The following NAA16 variants were observed in gnomAD, a reference collection of about 807,000 sequenced individuals.
NAA16 encodes the protein NARG1-like protein.
Under a neutral mutation model 110.3 loss-of-function variants are expected in NAA16, and 97 were observed. The ratio of observed to expected loss-of-function variants is 0.88; its 90% CI spans 0.75 to 1.04. The LOEUF is 1.04. NAA16 is among the 50% of genes least tolerant of loss of function. The pLI is 0.00. For synonymous variants in NAA16, 372 were observed against 330.6 expected (o/e 1.13, Z -1.36); for missense variants, 1,017 against 1,005.1 (o/e 1.01, Z -0.16).
At position 41,311,523 on chromosome 13, in the gene NAA16, G is replaced by A; in HGVS notation, c.-6G>A. On this transcript the variant is annotated 5_prime_UTR_variant, in exon 1 of 20. Coordinates refer to ENST00000379406, the MANE Select transcript of NAA16 (RefSeq NM_024561.5). Reference sequence around the variant, plus strand: ...TGCCGGCCACCTAGCCTCCCTGCCGGCCACGATGCCGAACGTGCTGCTGCC... The same window carrying A: ...TGCCGGCCACCTAGCCTCCCTGCCGACCACGATGCCGAACGTGCTGCTGCC... 2 of 1,601,200 alleles carry A rather than the reference G, an allele frequency of 1.2e-6. No homozygotes were observed. Among genetic ancestry groups the A allele is most frequent in the Non-Finnish European group, 1.7e-6 (2 of 1,174,494 alleles).
intron 16 of NAA16, 175 bp from the exon 17 acceptor site, chr13:41,372,557 G>A: frequency 1.0e-6 from 1 of 985,332 alleles, no homozygotes; most frequent in Non-Finnish European, 1.2e-6. Flanking sequence ...GATTTTTCAA[G>A]CTTTTCTTTA....
intron 1 of NAA16, among the ~76,000 whole-genome samples, chr13:41,313,887 T>A (rs959676964): frequency 2.7e-5 from 4 of 147,462 alleles, no homozygotes; most frequent in African/African-American, 1.0e-4. Flanking sequence ...TTTGCGAGAG[T>A]GTATCGCTTT....
In NAA16 at chr13:41,358,978, C is replaced by A; in HGVS notation, c.1410+16C>A. 1 of 1,577,872 alleles carries A rather than the reference C, an allele frequency of 6.3e-7. No homozygotes were observed. Among genetic ancestry groups the A allele is most frequent in the Non-Finnish European group, 8.7e-7 (1 of 1,155,096 alleles). On this transcript the variant is annotated intron_variant, in intron 12 of 19. Transcript: ENST00000379406. ...GTTCACAAGGGTAGGAAATAGCATG[C>A]ATGAGCATGTAATTGTCTAAATTAA...
At chr13:41,320,195 A>T (rs1408075723) in intron 3 of NAA16, among the ~76,000 whole-genome samples, 5 of 152,172 alleles carry the variant, frequency 3.3e-5, no homozygotes, top group Non-Finnish European at 5.9e-5. Context: ...AGTAGGTGAT[A>T]GTTACACATT....
At chr13:41,342,095 G>C (rs1007289615) in intron 9 of NAA16, among the ~76,000 whole-genome samples, 1 of 150,348 alleles carries the variant, frequency 6.7e-6, no homozygotes, top group Non-Finnish European at 1.5e-5. Flanking sequence ...GCCTCCCAAA[G>C]TGCAGGGATT....
chr13:41,376,791 C>G lies in NAA16; in HGVS notation c.*1189C>G, dbSNP rs561736047. On this transcript the variant is annotated 3_prime_UTR_variant, in exon 20 of 20. Coordinates refer to ENST00000379406, the MANE Select transcript of NAA16 (RefSeq NM_024561.5). ...GGGGGCGGGTGGATAGCTTTTTGTT[C>G]TATCTTGTACAGAAAACAGTAATGG... 2.0e-5 allele frequency: 3 copies of G among 152,184 alleles called. No homozygotes were observed. Among genetic ancestry groups the G allele is most frequent in the South Asian group, 2.1e-4 (1 of 4,824 alleles). 9.4% of individuals were successfully genotyped at this position (152,184 alleles called of 1,614,324 possible). A position where few individuals can be genotyped will look rare whatever the true frequency, so the allele number is the denominator to read the frequency against.
chr13:41,357,282 C>T (rs1056565172), intron 10 of NAA16, among the ~76,000 whole-genome samples: 1 of 152,218 alleles, frequency 6.6e-6, no homozygotes, highest in African/African-American at 2.4e-5. Flanking sequence ...GATCATGCCA[C>T]TGCACTCCAG....
At chr13:41,335,333 C>G (rs989559660) in intron 8 of NAA16, among the ~76,000 whole-genome samples, 3 of 152,078 alleles carry the variant, frequency 2.0e-5, no homozygotes, top group African/African-American at 4.8e-5. Flanking sequence ...ATGGTATTGC[C>G]TTCATTTTAC....
chr13:41,375,313 C>A, intron 19 of NAA16, 92 bp from the exon 20 acceptor site: 1 of 862,888 alleles, frequency 1.2e-6, no homozygotes, highest in South Asian at 1.8e-5. Flanking sequence ...GCAGCTTTCT[C>A]AATTTAACAC....
At chr13:41,323,642 G>A (rs1252758679) in intron 5 of NAA16, among the ~76,000 whole-genome samples, 2 of 150,640 alleles carry the variant, frequency 1.3e-5, no homozygotes, top group African/African-American at 2.4e-5. Flanking sequence ...GTGAGCCACC[G>A]CGCCCGGCCA....
At position 41,368,189 on chromosome 13, in the gene NAA16, TAAG is replaced by T. The variant is rs200952042; in HGVS notation, c.1753+540_1753+542del. On this transcript the variant is annotated intron_variant, in intron 14 of 19. Transcript: ENST00000379406. ...TTTCTAGTTCCTACTTTATTAAAAA[TAAG>T]AATATCAGTGAGAATATCTGTACAG... Among the ~76,000 whole-genome samples, 684 of 152,266 alleles carry T rather than the reference TAAG, an allele frequency of 4.5e-3. 6 individuals are homozygous for T. Among genetic ancestry groups the T allele is most frequent in the South Asian group, 0.033 (157 of 4,826 alleles).
intron 9 of NAA16, among the ~76,000 whole-genome samples, chr13:41,352,451 T>C (rs1210074416): frequency 1.3e-5 from 2 of 151,964 alleles, no homozygotes; most frequent in Non-Finnish European, 2.9e-5. Context: ...GGTCAGGAGT[T>C]GGAGACCAGC....
chr13:41,352,113 G>A (rs573796577), intron 9 of NAA16, among the ~76,000 whole-genome samples: 1 of 152,180 alleles, frequency 6.6e-6, no homozygotes, highest in South Asian at 2.1e-4. Context: ...AGGCTAAGGT[G>A]GGCAGATCGC....
intron 10 of NAA16, among the ~76,000 whole-genome samples, chr13:41,357,676 G>A (rs1198285626): frequency 6.6e-6 from 1 of 152,074 alleles, no homozygotes; most frequent in East Asian, 1.9e-4. Flanking sequence ...TTTCTTTTCT[G>A]CTCCTCTGTA....
At chr13:41,312,079 G>A (rs1262521562) in intron 1 of NAA16, among the ~76,000 whole-genome samples, 1 of 152,208 alleles carries the variant, frequency 6.6e-6, no homozygotes, top group East Asian at 1.9e-4. Flanking sequence ...ATTTTTCCTG[G>A]TTACGAGGAA....
chr13:41,359,211 A>T (rs1395838808), intron 12 of NAA16, among the ~76,000 whole-genome samples: 1 of 152,214 alleles, frequency 6.6e-6, no homozygotes, highest in African/African-American at 2.4e-5. Flanking sequence ...CTTGGTACAT[A>T]TATAAAGAGT....
In NAA16 at chr13:41,326,671, C is replaced by T. The variant is rs992405138; in HGVS notation, c.691+820C>T. ...TTTTTAAGTGGTAGAGTTATAGTTT[C>T]CAAGCACATCAACACATTCCCTGAC... On this transcript the variant is annotated intron_variant, in intron 6 of 19. Coordinates refer to ENST00000379406, the MANE Select transcript of NAA16 (RefSeq NM_024561.5). Among the ~76,000 whole-genome samples, 8 of 152,220 alleles carry T rather than the reference C, an allele frequency of 5.3e-5. No individual in the cohort carries two copies. In the South Asian group the frequency reaches 1.7e-3, roughly 32 times the overall value.
chr13:41,320,778 ATC>A lies in NAA16; in HGVS notation c.361_362del (p.Ser121ThrfsTer10). On this transcript the variant is annotated frameshift_variant, in exon 4 of 20. Transcript: ENST00000379406. LOFTEE classifies it high-confidence loss of function. The stretch of plus-strand genomic sequence containing the variant: ...AAAGATAACCTGCAAATTTTGAGGG[ATC>A]TCTCACTGTTGCAGATCCAAATGAG... The A allele has an allele frequency of 6.2e-7, 1 of 1,613,098 alleles. No individual in the cohort carries two copies. Among genetic ancestry groups the A allele is most frequent in the Non-Finnish European group, 8.5e-7 (1 of 1,179,806 alleles).
intron 1 of NAA16, among the ~76,000 whole-genome samples, chr13:41,314,702 T>C (rs1008011842): frequency 2.0e-4 from 31 of 152,148 alleles, no homozygotes; most frequent in African/African-American, 6.3e-4. Context: ...GTATGTAAAA[T>C]AGGCTAAGGC....
Sources: gnomAD v4.1 joint callset for allele counts (sites outside exome capture counted in the v4.1 genomes callset) on GRCh38, gnomAD v4.1.1 for gene constraint, MANE v1.5 for transcripts, NCBI Gene and HGNC (gene_info 2026-07-23, HGNC 2026-07-21) for gene names.